Variants in ADGRL2 observed in about 807,000 individuals in gnomAD.
ADGRL2 encodes adhesion G protein-coupled receptor L2.
A neutral mutation model predicts 157.4 loss-of-function variants in ADGRL2; 44 were observed. The observed-to-expected ratio is 0.28, with a 90% CI of 0.22 to 0.36. The LOEUF (loss-of-function observed/expected upper bound fraction) is 0.36, where lower values mean the gene tolerates loss of function less well. Among genes scored for constraint, ADGRL2 ranks in the 10% least tolerant of loss-of-function variants. The pLI is 1.00. For synonymous variants in ADGRL2, 585 were observed against 624.7 expected (o/e 0.94, Z 0.95); for missense variants, 1,510 against 1,768.9 (o/e 0.85, Z 2.63).
At chr1:81,520,650 G>A (rs1053190154) in intron 2 of ADGRL2, among the ~76,000 whole-genome samples, 13 of 152,226 alleles carry the variant, frequency 8.5e-5, no homozygotes, top group East Asian at 1.9e-4. Flanking sequence ...CTGCCTCCAC[G>A]TTAGAAGTAC....
intron 1 of ADGRL2, among the ~76,000 whole-genome samples, chr1:81,314,068 G>A (rs1659941196): frequency 6.6e-6 from 1 of 152,182 alleles, no homozygotes; most frequent in Admixed American, 6.5e-5. Context: ...CTGATTATCT[G>A]TCAGGGTAAA....
intron 2 of ADGRL2, among the ~76,000 whole-genome samples, chr1:81,540,464 G>A (rs114549524): frequency 0.018 from 2,671 of 152,266 alleles, 42 homozygotes; most frequent in Non-Finnish European, 0.025. Flanking sequence ...AGAAAATAAT[G>A]GAAATGCATA....
intron 1 of ADGRL2, among the ~76,000 whole-genome samples, chr1:81,335,820 G>A (rs1387824778): frequency 2.0e-5 from 3 of 149,412 alleles, no homozygotes; most frequent in African/African-American, 7.5e-5. Flanking sequence ...CACGCAGTAG[G>A]GCTATATAGT....
At chr1:81,522,876 C>T (rs2079356037) in intron 2 of ADGRL2, among the ~76,000 whole-genome samples, 1 of 152,104 alleles carries the variant, frequency 6.6e-6, no homozygotes, top group South Asian at 2.1e-4. Flanking sequence ...ACCTATGGCT[C>T]ATTTTTAGTA....
intron 1 of ADGRL2, among the ~76,000 whole-genome samples, chr1:81,391,185 C>A (rs2076546410): frequency 1.3e-5 from 2 of 152,286 alleles, no homozygotes; most frequent in Admixed American, 1.3e-4. Flanking sequence ...ATTGATGCAG[C>A]AAACTCATTT....
At chr1:81,656,074 A>C (rs543422566) in intron 3 of ADGRL2, among the ~76,000 whole-genome samples, 2 of 152,324 alleles carry the variant, frequency 1.3e-5, no homozygotes, top group East Asian at 3.9e-4. Flanking sequence ...ATGTCTAAAC[A>C]CATTCCCATG....
At chr1:81,863,041 A>G (rs920561642) in intron 2 of ADGRL2, among the ~76,000 whole-genome samples, 2 of 152,206 alleles carry the variant, frequency 1.3e-5, no homozygotes, top group Non-Finnish European at 2.9e-5. Context: ...AATATTCTGT[A>G]TAGACTTTTT....
chr1:81,955,958 C>A lies in ADGRL2; in HGVS notation c.1915C>A (p.His639Asn). Residue 639 changes from histidine (H) to asparagine (N), a missense_variant, in exon 11 of 24, where the codon CAT becomes AAT. Coordinates refer to ENST00000686636, the MANE Select transcript of ADGRL2 (RefSeq NM_001366006.2). ...WKHMNSSEQA[H>N]TATMLLDTLE... is the part of the protein sequence containing the mutation. ...ACATATGAATTCTTCTGAACAAGCA[C>A]ATACTGCAACAATGTTACTCGATAC... is the stretch of plus-strand genomic sequence containing the variant. 6.2e-7 allele frequency: 1 copy of A among 1,610,772 alleles called. No homozygotes were observed. The highest frequency in any genetic ancestry group is 1.1e-5 in the South Asian group (1 of 90,428).
upstream of ADGRL2, among the ~76,000 whole-genome samples, chr1:81,697,705 G>A (rs510562): frequency 0.36 from 55,423 of 152,016 alleles, 10,285 homozygotes; most frequent in Admixed American, 0.43. Flanking sequence ...CCAGAGATAA[G>A]CTCTAGAATG....
At chr1:81,382,734 T>C (rs138774765) in intron 1 of ADGRL2, among the ~76,000 whole-genome samples, 3 of 152,320 alleles carry the variant, frequency 2.0e-5, no homozygotes, top group East Asian at 1.9e-4. Context: ...GAAACTTTGA[T>C]TGATACAATT....
chr1:81,440,864 C>A (rs1295755063), intron 1 of ADGRL2, among the ~76,000 whole-genome samples: 1 of 152,152 alleles, frequency 6.6e-6, no homozygotes, highest in Non-Finnish European at 1.5e-5. Context: ...TCTTTTTCTT[C>A]CTTCTAATTC....
chr1:81,449,435 C>T (rs2077664809), intron 2 of ADGRL2, among the ~76,000 whole-genome samples: 2 of 152,168 alleles, frequency 1.3e-5, no homozygotes. Context: ...CTTGCACATT[C>T]AGTGAAAGTG....
intron 2 of ADGRL2, among the ~76,000 whole-genome samples, chr1:81,568,088 CA>C (rs2080603790): frequency 6.6e-6 from 1 of 151,778 alleles, no homozygotes; most frequent in Admixed American, 6.6e-5. Context: ...TCTGAAACCT[CA>C]AAATTAACCA....
At chr1:81,629,911 A>G (rs901379821) in intron 3 of ADGRL2, among the ~76,000 whole-genome samples, 1 of 151,860 alleles carries the variant, frequency 6.6e-6, no homozygotes, top group South Asian at 2.1e-4. Flanking sequence ...TTAATCCTTT[A>G]TACTAAATCA....
chr1:81,982,037 A>C (rs1444283438), intron 19 of ADGRL2, 61 bp downstream of exon 19: 5 of 1,288,404 alleles, frequency 3.9e-6, no homozygotes, highest in South Asian at 1.4e-5. Context: ...AATATAATAG[A>C]TATAATAAAG....
chr1:81,345,802 A>C (rs1210631165), intron 1 of ADGRL2, among the ~76,000 whole-genome samples: 1 of 152,218 alleles, frequency 6.6e-6, no homozygotes, highest in Non-Finnish European at 1.5e-5. Context: ...TTTTTCATTC[A>C]TATTTTAAAA....
intron 2 of ADGRL2, among the ~76,000 whole-genome samples, chr1:81,882,351 T>C (rs1041410160): frequency 2.6e-5 from 4 of 152,216 alleles, no homozygotes; most frequent in African/African-American, 9.6e-5. Context: ...TTAGGATCTT[T>C]TGGTATTCAT....
At chr1:81,848,605 A>T (rs1051434506) in intron 2 of ADGRL2, among the ~76,000 whole-genome samples, 7 of 151,916 alleles carry the variant, frequency 4.6e-5, no homozygotes, top group Non-Finnish European at 1.0e-4. Flanking sequence ...TAATTATGTC[A>T]GTTTTCTTAA....
intron 1 of ADGRL2, among the ~76,000 whole-genome samples, chr1:81,356,527 T>A (rs1663301712): frequency 6.6e-6 from 1 of 152,116 alleles, no homozygotes; most frequent in Non-Finnish European, 1.5e-5. Context: ...GGTCTCATCC[T>A]CTTCTTTGTG....
Sources: gnomAD v4.1 joint callset for allele counts (sites outside exome capture counted in the v4.1 genomes callset) on GRCh38, gnomAD v4.1.1 for gene constraint, MANE v1.5 for transcripts, NCBI Gene and HGNC (gene_info 2026-07-23, HGNC 2026-07-21) for gene names.